TMTC1: variants seen among roughly 807,000 people sequenced by gnomAD.
The protein encoded by TMTC1 is transmembrane O-mannosyltransferase targeting cadherins 1, also known as protein O-mannosyl-transferase TMTC1.
Under a neutral mutation model 104.8 loss-of-function variants are expected in TMTC1, and 73 were observed. That is an observed-to-expected ratio of 0.70 (90% CI 0.58 to 0.85). TMTC1 has a LOEUF of 0.85. Among genes scored for constraint, TMTC1 ranks in the 40% least tolerant of loss-of-function variants. The pLI is 0.00. For missense variants in TMTC1, 1,035 were observed against 1,096.1 expected, an observed-to-expected ratio of 0.94 and a Z score of 0.79; for synonymous variants, 434 against 428.7, an observed-to-expected ratio of 1.01 and a Z score of -0.15.
chr12:29,702,561 G>A (rs1941625205), intron 5 of TMTC1, among the ~76,000 whole-genome samples: 1 of 152,198 alleles, frequency 6.6e-6, no homozygotes, highest in African/African-American at 2.4e-5. Flanking sequence ...GACAGGGGTT[G>A]CAGCTTTTAC....
chr12:29,775,271 G>A lies in TMTC1; in HGVS notation c.303-7196C>T, dbSNP rs552054983. Among the ~76,000 whole-genome samples, 62 of 152,118 alleles carry A rather than the reference G, an allele frequency of 4.1e-4. 1 individual carries two copies. Among genetic ancestry groups the A allele is most frequent in the East Asian group, 9.7e-4 (5 of 5,174 alleles). The stretch of plus-strand genomic sequence containing the variant: ...GTTTGGTGGAGTGCCTGATTGTAAT[G>A]CAGTTCTGACATCAACTTCCCAGAA... On this transcript the variant is annotated intron_variant, in intron 1 of 17. Coordinates refer to ENST00000539277, the MANE Select transcript of TMTC1 (RefSeq NM_001193451.2).
chr12:29,668,301 A>G (rs1390803537), intron 5 of TMTC1, among the ~76,000 whole-genome samples: 1 of 152,170 alleles, frequency 6.6e-6, no homozygotes, highest in Non-Finnish European at 1.5e-5. Context: ...AGAGCAGAAA[A>G]GCAAGAGACA....
chr12:29,515,803 G>A (rs1338938187), intron 15 of TMTC1, among the ~76,000 whole-genome samples: 2 of 150,454 alleles, frequency 1.3e-5, no homozygotes, highest in Non-Finnish European at 2.9e-5. Context: ...TACTACAGTG[G>A]CCAGGACATA....
intron 5 of TMTC1, chr12:29,659,903 T>C (rs928758288): frequency 1.6e-5 from 24 of 1,535,436 alleles, no homozygotes; most frequent in Non-Finnish European, 1.0e-5. Context: ...AAGGCGAAAA[T>C]GAAGCTGGAT....
intron 1 of TMTC1, among the ~76,000 whole-genome samples, chr12:29,780,930 T>A (rs1276917117): frequency 6.6e-6 from 1 of 152,230 alleles, no homozygotes; most frequent in African/African-American, 2.4e-5. Flanking sequence ...GGTTTGCACA[T>A]ATTTAAAGGG....
intron 1 of TMTC1, among the ~76,000 whole-genome samples, chr12:29,777,059 A>G (rs1247832891): frequency 6.6e-6 from 1 of 152,082 alleles, no homozygotes; most frequent in Non-Finnish European, 1.5e-5. Flanking sequence ...AAACACTGCC[A>G]TTGTGTGGGC....
chr12:29,702,163 G>T (rs1246345432), intron 5 of TMTC1, among the ~76,000 whole-genome samples: 1 of 152,074 alleles, frequency 6.6e-6, no homozygotes, highest in Non-Finnish European at 1.5e-5. Context: ...TCATGATACT[G>T]CCTTCTTCTT....
At chr12:29,705,488 C>T (rs1462584627) in intron 5 of TMTC1, among the ~76,000 whole-genome samples, 1 of 152,138 alleles carries the variant, frequency 6.6e-6, no homozygotes, top group Non-Finnish European at 1.5e-5. Context: ...AAAAGGAGGA[C>T]TCAGTCACTG....
At chr12:29,772,551 T>A (rs4244849) in intron 1 of TMTC1, among the ~76,000 whole-genome samples, 60,017 of 152,002 alleles carry the variant, frequency 0.39, 12,387 homozygotes, top group Admixed American at 0.54. Flanking sequence ...CCAGCTCACT[T>A]CACTCACTCT....
chr12:29,553,326 A>C (rs999432936), intron 10 of TMTC1, among the ~76,000 whole-genome samples: 1 of 152,194 alleles, frequency 6.6e-6, no homozygotes, highest in Non-Finnish European at 1.5e-5. Context: ...GATCGTTTTA[A>C]AGATTAAATA....
chr12:29,559,298 T>C (rs139993282), intron 9 of TMTC1, among the ~76,000 whole-genome samples: 2 of 152,312 alleles, frequency 1.3e-5, no homozygotes, highest in African/African-American at 4.8e-5. Flanking sequence ...GTAAGGTGCC[T>C]GTTTGCTCTG....
intron 7 of TMTC1, among the ~76,000 whole-genome samples, chr12:29,597,835 C>T (rs546312313): frequency 6.6e-6 from 1 of 152,254 alleles, no homozygotes; most frequent in Admixed American, 6.5e-5. Context: ...GGAGAAGGAA[C>T]TGATGCAGGG....
rs74078965 is a variant in TMTC1, at chr12:29,695,826, T to A, written c.938+55840A>T. ...ATATATATATATATATATATATATA[T>A]ATAACCTGTCTTCAACCTAAATTAT... is the stretch of plus-strand genomic sequence containing the variant. On this transcript the variant is annotated intron_variant, in intron 5 of 17. Coordinates refer to ENST00000539277, the MANE Select transcript of TMTC1 (RefSeq NM_001193451.2). Among the ~76,000 whole-genome samples, 11 of 96,628 alleles carry A rather than the reference T, an allele frequency of 1.1e-4. 1 individual carries two copies. The highest frequency in any genetic ancestry group is 3.2e-4 in the African/African-American group (8 of 25,256). 63.4% of individuals were successfully genotyped at this position (96,628 alleles called of 152,430 possible).
chr12:29,579,963 C>T (rs376568646), intron 8 of TMTC1, among the ~76,000 whole-genome samples: 1 of 152,132 alleles, frequency 6.6e-6, no homozygotes, highest in African/African-American at 2.4e-5. Context: ...GTTATTTCAG[C>T]TTAGACAATT....
intron 5 of TMTC1, among the ~76,000 whole-genome samples, chr12:29,644,064 AT>A (rs1387955558): frequency 0.26 from 11,203 of 43,302 alleles, 1,526 homozygotes; most frequent in Middle Eastern, 0.38. Flanking sequence ...ATATAAATAT[AT>A]AATTTATAGA....
chr12:29,532,974 T>C (rs570500355), intron 11 of TMTC1: 20 of 152,258 alleles, frequency 1.3e-4, no homozygotes, highest in Admixed American at 2.6e-4. Flanking sequence ...TCTTTCTTTT[T>C]CCACGATATT....
chr12:29,700,675 CA>C (rs1285817000), intron 5 of TMTC1, among the ~76,000 whole-genome samples: 1 of 152,142 alleles, frequency 6.6e-6, no homozygotes, highest in Non-Finnish European at 1.5e-5. Context: ...TAGAACTCCT[CA>C]AAAAGTGCTC....
intron 9 of TMTC1, among the ~76,000 whole-genome samples, chr12:29,565,983 T>C (rs756438986): frequency 3.9e-5 from 6 of 152,216 alleles, no homozygotes; most frequent in Non-Finnish European, 7.3e-5. Context: ...TCTGCTTTCA[T>C]GCAGTTTACT....
At chr12:29,741,725 G>A (rs1057473238) in intron 5 of TMTC1, among the ~76,000 whole-genome samples, 1 of 152,170 alleles carries the variant, frequency 6.6e-6, no homozygotes, top group Non-Finnish European at 1.5e-5. Context: ...ACAATAATGA[G>A]GGAGAATGAA....
Sources: allele counts gnomAD v4.1 joint callset (sites outside exome capture counted in the v4.1 genomes callset), GRCh38; gene constraint gnomAD v4.1.1; transcripts MANE v1.5; gene names NCBI Gene and HGNC (gene_info 2026-07-23, HGNC 2026-07-21).